The following MAGI1 variants were observed in gnomAD, a reference collection of about 807,000 sequenced individuals.
MAGI1 encodes the protein membrane-associated guanylate kinase, WW and PDZ domain-containing protein 1.
A neutral mutation model predicts 139.9 loss-of-function variants in MAGI1; 58 were observed. The observed-to-expected ratio is 0.41, with a 90% CI of 0.34 to 0.52. The LOEUF is 0.52. MAGI1 is among the 20% of genes least tolerant of loss of function. The pLI is 0.12. For missense variants in MAGI1, 1,874 were observed against 1,901.6 expected, an observed-to-expected ratio of 0.99 and a Z score of 0.27; for synonymous variants, 812 against 737.9, an observed-to-expected ratio of 1.10 and a Z score of -1.63.
Position 65,891,912 on chromosome 3 carries a change from A to G in MAGI1, c.313+146084T>C, listed in dbSNP as rs1310697658. On this transcript the variant is annotated intron_variant, in intron 1 of 22. Coordinates refer to ENST00000402939, the MANE Select transcript of MAGI1 (RefSeq NM_001033057.2). ...TATATATATATATATATATATATAT[A>G]TATATATATATATATATATATATAT... Among the ~76,000 whole-genome samples the G allele has an allele frequency of 7.4e-5, 7 of 94,252 alleles. No homozygotes were observed. In the South Asian group the frequency reaches 1.4e-3, roughly 19 times the overall value. The allele number at this position is 94,252 out of a possible 152,430, so 61.8% of individuals were successfully genotyped here.
chr3:65,997,874 G>T (rs1285991590), intron 1 of MAGI1, among the ~76,000 whole-genome samples: 1 of 152,010 alleles, frequency 6.6e-6, no homozygotes, highest in Non-Finnish European at 1.5e-5. Flanking sequence ...AATAGTAGTT[G>T]TTGGCTGGGT....
At chr3:65,581,235 A>C (rs1338373227) in intron 2 of MAGI1, among the ~76,000 whole-genome samples, 1 of 152,148 alleles carries the variant, frequency 6.6e-6, no homozygotes, top group Non-Finnish European at 1.5e-5. Context: ...AAAAGGGGGC[A>C]GCACAAAGGA....
chr3:65,977,244 G>A (rs1295012335), intron 1 of MAGI1, among the ~76,000 whole-genome samples: 1 of 152,128 alleles, frequency 6.6e-6, no homozygotes, highest in East Asian at 1.9e-4. Context: ...TATGTGAAAG[G>A]TTGTCAACAT....
intron 1 of MAGI1, among the ~76,000 whole-genome samples, chr3:65,637,800 A>G (rs2084731721): frequency 6.6e-6 from 1 of 152,172 alleles, no homozygotes; most frequent in African/African-American, 2.4e-5. Context: ...ACACTGCTCC[A>G]TCAGTGTCTG....
intron 2 of MAGI1, among the ~76,000 whole-genome samples, chr3:65,527,228 T>C (rs1233572112): frequency 1.3e-5 from 2 of 152,184 alleles, no homozygotes; most frequent in Non-Finnish European, 2.9e-5. Context: ...CTTGCCGAAC[T>C]TGGGATGCTA....
chr3:65,773,015 T>C lies in MAGI1; in HGVS notation c.314-150927A>G, dbSNP rs530726870. 4.4e-4 allele frequency among the ~76,000 whole-genome samples: 67 copies of C among 152,288 alleles called. 2 individuals are homozygous for C. The South Asian group carries it at 0.013, about 30-fold the overall frequency. ...ACTCCACCTCACACCAGCGTCCTCT[T>C]TGATCTACCACGGACCAGTTTCCTC... On this transcript the variant is annotated intron_variant, in intron 1 of 22. Transcript: ENST00000402939.
At chr3:65,579,956 A>C (rs569634697) in intron 2 of MAGI1, among the ~76,000 whole-genome samples, 2 of 152,048 alleles carry the variant, frequency 1.3e-5, no homozygotes, top group East Asian at 3.9e-4. Context: ...CTTTTTTCTG[A>C]TTAAAAAATT....
intron 18 of MAGI1, among the ~76,000 whole-genome samples, chr3:65,372,579 T>TA (rs1942108612): frequency 6.6e-6 from 1 of 152,178 alleles, no homozygotes; most frequent in Non-Finnish European, 1.5e-5. Context: ...GCTTTGAAAC[T>TA]AGGCATTGAT....
intron 1 of MAGI1, among the ~76,000 whole-genome samples, chr3:65,660,605 T>C (rs1189436673): frequency 6.6e-6 from 1 of 152,240 alleles, no homozygotes; most frequent in Non-Finnish European, 1.5e-5. Flanking sequence ...TTTCCAGATC[T>C]CATTAGGGAA....
chr3:65,752,122 T>C (rs1479634827), intron 1 of MAGI1, among the ~76,000 whole-genome samples: 1 of 152,108 alleles, frequency 6.6e-6, no homozygotes, highest in Non-Finnish European at 1.5e-5. Flanking sequence ...TTTTTTTTTG[T>C]ATTTTTTGTA....
rs573340451 is a variant in MAGI1, at chr3:65,745,877, C to T, written c.314-123789G>A. On this transcript the variant is annotated intron_variant, in intron 1 of 22. Coordinates refer to ENST00000402939, the MANE Select transcript of MAGI1 (RefSeq NM_001033057.2). ...CCCAGTAGCTGGGATTACACGTGTG[C>T]ACTATCATGCCCAGCTAATTTTTTG... Among the ~76,000 whole-genome samples the T allele has an allele frequency of 2.0e-5, 3 of 152,130 alleles. No individual in the cohort carries two copies. In the South Asian group the frequency reaches 6.2e-4, roughly 32 times the overall value.
intron 1 of MAGI1, among the ~76,000 whole-genome samples, chr3:65,992,275 C>G (rs1026368130): frequency 3.3e-5 from 5 of 152,232 alleles, no homozygotes; most frequent in African/African-American, 1.2e-4. Flanking sequence ...ATAACCCACA[C>G]AGTTGCACAT....
At chr3:65,887,210 T>A (rs1449385421) in intron 1 of MAGI1, among the ~76,000 whole-genome samples, 1 of 152,066 alleles carries the variant, frequency 6.6e-6, no homozygotes, top group African/African-American at 2.4e-5. Context: ...ACTGGTTGCC[T>A]CTGGAGGATT....
chr3:65,495,092 T>A (rs1952329465), intron 2 of MAGI1, among the ~76,000 whole-genome samples: 1 of 152,160 alleles, frequency 6.6e-6, no homozygotes, highest in African/African-American at 2.4e-5. Context: ...AACTTTTAAA[T>A]TTACATCTCA....
rs149211419 is a variant in MAGI1 at position 65,470,482 on chromosome 3, C to A, written c.760G>T (p.Asp254Tyr). 6.2e-7 allele frequency: 1 copy of A among 1,602,944 alleles called. No homozygotes were observed. Reference protein sequence around the residue: ...VPEMNSSFTADSGEQEEHTLQ... With the variant: ...VPEMNSSFTAYSGEQEEHTLQ... ...GTGTGCTCCTCTTGTTCACCAGAAT[C>A]GGCTGCTTAATCATGTGAAGAGGTG... is the stretch of plus-strand genomic sequence containing the variant. The change falls in exon 5 of 23, where the codon GAT (aspartate) becomes TAT (tyrosine). Residue 254 changes from aspartate to tyrosine, a missense_variant and splice_region_variant. Asp to Tyr is a radical substitution (Grantham distance 160, BLOSUM62 -3). Coordinates refer to ENST00000402939, the MANE Select transcript of MAGI1 (RefSeq NM_001033057.2).
In MAGI1 at chr3:65,453,250, C is replaced by G. The variant is rs765733674; in HGVS notation, c.1042+8G>C. 1.9e-6 allele frequency: 3 copies of G among 1,613,438 alleles called. No homozygotes were observed. The highest frequency in any genetic ancestry group is 3.3e-5 in the Admixed American group (2 of 59,904). The stretch of plus-strand genomic sequence containing the variant: ...TTCACTTAACCCAAGACCTGCCTGG[C>G]CCCTTACCATCATCTTCACACTCTT... On this transcript the variant is annotated splice_region_variant and intron_variant, in intron 6 of 22. Transcript: ENST00000402939.
chr3:65,806,474 CA>C (rs2040859378), intron 1 of MAGI1, among the ~76,000 whole-genome samples: 1 of 152,110 alleles, frequency 6.6e-6, no homozygotes. Context: ...TTTAATAGGG[CA>C]AACGCCGAGC....
intron 1 of MAGI1, among the ~76,000 whole-genome samples, chr3:65,922,502 G>T (rs1025029833): frequency 2.6e-5 from 4 of 152,150 alleles, no homozygotes; most frequent in African/African-American, 4.8e-5. Context: ...ACAAACCAAG[G>T]ATGCCAAGGA....
At chr3:65,897,049 T>A (rs936519819) in intron 1 of MAGI1, among the ~76,000 whole-genome samples, 1 of 152,188 alleles carries the variant, frequency 6.6e-6, no homozygotes, top group Non-Finnish European at 1.5e-5. Context: ...TCCTCCTGTA[T>A]AGTTTAAATC....
Sources: gnomAD v4.1 joint callset for allele counts (sites outside exome capture counted in the v4.1 genomes callset) on GRCh38, gnomAD v4.1.1 for gene constraint, MANE v1.5 for transcripts, NCBI Gene and HGNC (gene_info 2026-07-23, HGNC 2026-07-21) for gene names.